Variants in DTNA observed in about 807,000 individuals in gnomAD.
DTNA encodes dystrophin-related protein 3.
DTNA carries 43 observed loss-of-function variants against 100.7 expected under a neutral mutation model. That is an observed-to-expected ratio of 0.43 (90% CI 0.33 to 0.55). The LOEUF (loss-of-function observed/expected upper bound fraction) is 0.55, where lower values mean the gene tolerates loss of function less well. Among genes scored for constraint, DTNA ranks in the 20% least tolerant of loss-of-function variants. The probability of loss-of-function intolerance (pLI) is 0.04; values close to 1 mark genes in which losing one functional copy is unlikely to be tolerated. For missense variants in DTNA, 798 were observed against 953.9 expected (o/e 0.84, Z 2.15); for synonymous variants, 349 against 347.9 (o/e 1.00, Z -0.04).
At chr18:34,511,744 C>G (rs937793667) in intron 1 of DTNA, among the ~76,000 whole-genome samples, 1 of 152,036 alleles carries the variant, frequency 6.6e-6, no homozygotes, top group East Asian at 1.9e-4. Flanking sequence ...TCAGAGTCTG[C>G]TCTCAAAGTC....
chr18:34,744,735 G>T (rs2147862954), intron 1 of DTNA, among the ~76,000 whole-genome samples: 1 of 152,194 alleles, frequency 6.6e-6, no homozygotes, highest in South Asian at 2.1e-4. Flanking sequence ...ACTCCATCCT[G>T]CCCAGCTCCC....
At chr18:34,648,592 A>G (rs1293475086) in intron 1 of DTNA, among the ~76,000 whole-genome samples, 1 of 152,256 alleles carries the variant, frequency 6.6e-6, no homozygotes, top group African/African-American at 2.4e-5. Context: ...TAGAGATGCC[A>G]TTAAAATGAC....
chr18:34,795,699 A>C (rs150137406), intron 4 of DTNA, among the ~76,000 whole-genome samples: 548 of 152,318 alleles, frequency 3.6e-3, no homozygotes, highest in Middle Eastern at 0.024. Context: ...GAAATATAAT[A>C]TCTCACTAAA....
At chr18:34,656,417 A>T (rs1337322313) in intron 1 of DTNA, among the ~76,000 whole-genome samples, 1 of 152,196 alleles carries the variant, frequency 6.6e-6, no homozygotes, top group East Asian at 1.9e-4. Flanking sequence ...TAAATGTCTG[A>T]CAATTGTGTC....
intron 1 of DTNA, among the ~76,000 whole-genome samples, chr18:34,659,623 GACACACACAGAC>G (rs952487229): frequency 7.8e-5 from 11 of 140,856 alleles, no homozygotes; most frequent in African/African-American, 3.2e-4. Context: ...CATACACACA[GACACACACAGAC>G]ACACACACAC....
chr18:34,703,577 G>A (rs2081689887), intron 1 of DTNA, among the ~76,000 whole-genome samples: 1 of 152,082 alleles, frequency 6.6e-6, no homozygotes, highest in Non-Finnish European at 1.5e-5. Flanking sequence ...GCCTGATGGA[G>A]AACTGACCAG....
intron 1 of DTNA, among the ~76,000 whole-genome samples, chr18:34,753,806 T>C (rs2092578193): frequency 6.6e-6 from 1 of 152,212 alleles, no homozygotes. Flanking sequence ...GAAATAAAAA[T>C]TGGAAGCTAT....
intron 15 of DTNA, among the ~76,000 whole-genome samples, chr18:34,852,532 A>G (rs1312156683): frequency 6.6e-6 from 1 of 152,086 alleles, no homozygotes; most frequent in Non-Finnish European, 1.5e-5. Flanking sequence ...AAAAACATCA[A>G]TCTTATGTTA....
rs1467367896 is a variant in DTNA at position 34,866,528 on chromosome 18, C to T, written c.1743+2466C>T. ...GAGGTTCATGTCATCCCAAAACCCA[C>T]AGCACTCAGAAGCTAACCTCTACAC... On this transcript the variant is annotated intron_variant, in intron 17 of 22. Coordinates refer to ENST00000444659, the MANE Select transcript of DTNA (RefSeq NM_001386795.1). 2.7e-6 allele frequency: 3 copies of T among 1,130,086 alleles called. No homozygotes were observed. The Admixed American group carries it at 1.2e-4, about 47-fold the overall frequency. The allele number at this position is 1,130,086 out of a possible 1,614,324, so 70.0% of individuals were successfully genotyped here.
Position 34,888,281 on chromosome 18 carries a change from A to G in DTNA, c.*547A>G, listed in dbSNP as rs2096940209. The G allele has an allele frequency of 3.0e-6, 3 of 984,138 alleles. No individual in the cohort carries two copies. The highest frequency in any genetic ancestry group is 3.6e-5 in the African/African-American group (2 of 55,752). 61.0% of individuals were successfully genotyped at this position (984,138 alleles called of 1,614,324 possible). A position where few individuals can be genotyped will look rare whatever the true frequency, so the allele number is the denominator to read the frequency against. The stretch of plus-strand genomic sequence containing the variant: ...TACACTGTACATTTTTTTCACAGCA[A>G]TTGGAAAAAAACAACCACTTGCAAT... On this transcript the variant is annotated 3_prime_UTR_variant, in exon 23 of 23. Transcript: ENST00000444659.
intron 1 of DTNA, among the ~76,000 whole-genome samples, chr18:34,538,916 A>G (rs879267534): frequency 6.6e-6 from 1 of 152,050 alleles, no homozygotes; most frequent in African/African-American, 2.4e-5. Context: ...TTATTTATAA[A>G]TTAAAATTTT....
At chr18:34,735,943 A>C (rs1295975061) in intron 1 of DTNA, among the ~76,000 whole-genome samples, 1 of 152,112 alleles carries the variant, frequency 6.6e-6, no homozygotes, top group Non-Finnish European at 1.5e-5. Context: ...CTCACACAGG[A>C]TCCTCACCCA....
intron 5 of DTNA, among the ~76,000 whole-genome samples, chr18:34,811,571 T>C (rs1602468556): frequency 6.6e-6 from 1 of 152,222 alleles, no homozygotes; most frequent in East Asian, 1.9e-4. Flanking sequence ...CCCAACTTTA[T>C]AGTAAAACTC....
At chr18:34,877,958 G>GT in intron 19 of DTNA, 150 bp downstream of exon 19, 6 of 794,952 alleles carry the variant, frequency 7.5e-6, no homozygotes, top group South Asian at 3.4e-5. Flanking sequence ...AGATTTGAGG[G>GT]GTTTTTTTTT....
intron 1 of DTNA, among the ~76,000 whole-genome samples, chr18:34,737,379 G>A (rs980435181): frequency 7.9e-5 from 12 of 152,158 alleles, no homozygotes; most frequent in Admixed American, 6.5e-4. Context: ...TTCTTCTAAA[G>A]ACGGTCTGGT....
At chr18:34,809,876 A>AG (rs1303010669) in intron 5 of DTNA, among the ~76,000 whole-genome samples, 2 of 152,204 alleles carry the variant, frequency 1.3e-5, no homozygotes, top group Non-Finnish European at 2.9e-5. Flanking sequence ...ATTCAGTGGT[A>AG]GGGTGTTCCC....
At chr18:34,817,997 G>T (rs979539856) in intron 7 of DTNA, 167 bp from the exon 8 acceptor site, 1 of 1,517,092 alleles carries the variant, frequency 6.6e-7, no homozygotes, top group Non-Finnish European at 8.8e-7. Flanking sequence ...ATTGAAAAGG[G>T]TTGTAAGATT....
At chr18:34,678,605 C>T (rs1404142136) in intron 1 of DTNA, among the ~76,000 whole-genome samples, 5 of 152,086 alleles carry the variant, frequency 3.3e-5, no homozygotes, top group East Asian at 1.9e-4. Context: ...GATAGTAACA[C>T]GCAGCCTGTG....
chr18:34,883,316 T>C (rs1224438960), intron 21 of DTNA, among the ~76,000 whole-genome samples: 1 of 152,060 alleles, frequency 6.6e-6, no homozygotes, highest in Non-Finnish European at 1.5e-5. Flanking sequence ...TTTTTCCTTT[T>C]TTTTTTTCTT....
Sources: allele counts gnomAD v4.1 joint callset (sites outside exome capture counted in the v4.1 genomes callset), GRCh38; gene constraint gnomAD v4.1.1; transcripts MANE v1.5; gene names NCBI Gene and HGNC (gene_info 2026-07-23, HGNC 2026-07-21).